P2RY2: variants seen among roughly 807,000 people sequenced by gnomAD.
P2RY2 encodes purinergic receptor P2Y2.
For synonymous variants in P2RY2, 241 were observed against 231.9 expected, an observed-to-expected ratio of 1.04 and a Z score of -0.35; for missense variants, 567 against 515.7, an observed-to-expected ratio of 1.10 and a Z score of -0.96.
Position 73,236,707 on chromosome 11 carries a change from GAA to G in P2RY2, c.*1416_*1417del. ...CTTCCTTTGCACTGGGGGTAAATAT[GAA>G]AGAGATTCACTCCTCCTCCTGTCCA... On this transcript the variant is annotated 3_prime_UTR_variant, in exon 3 of 3. Transcript: ENST00000393597. 3 of 985,390 alleles carry G rather than the reference GAA, an allele frequency of 3.0e-6. No individual in the cohort carries two copies. Among genetic ancestry groups the G allele is most frequent in the South Asian group, 9.4e-5 (2 of 21,286 alleles). 61.0% of individuals were successfully genotyped at this position (985,390 alleles called of 1,614,324 possible).
At chr11:73,234,132 GC>G in intron 2 of P2RY2, 23 bp from the exon 3 acceptor site, 1 of 1,578,304 alleles carries the variant, frequency 6.3e-7, no homozygotes, top group South Asian at 1.2e-5. Context: ...AACCCTGATG[GC>G]CCCACCCCTC....
At chr11:73,220,955 T>C (rs1357442995) in intron 1 of P2RY2, among the ~76,000 whole-genome samples, 2 of 152,178 alleles carry the variant, frequency 1.3e-5, no homozygotes, top group Non-Finnish European at 2.9e-5. Flanking sequence ...AGAGAGGCCA[T>C]TGTCCCTCTC....
chr11:73,229,583 G>A (rs561480675), intron 2 of P2RY2, among the ~76,000 whole-genome samples: 275 of 152,224 alleles, frequency 1.8e-3, no homozygotes, highest in Non-Finnish European at 3.0e-3. Flanking sequence ...ATGAGAGGGC[G>A]GGAGGGGTGA....
intron 1 of P2RY2, among the ~76,000 whole-genome samples, chr11:73,223,805 T>C (rs949099674): frequency 2.1e-4 from 32 of 152,308 alleles, no homozygotes; most frequent in Middle Eastern, 6.8e-3. Context: ...CCAGGTGAGA[T>C]GGGTGGTTTG....
At chr11:73,233,890 G>A in intron 2 of P2RY2, 1 of 515,964 alleles carries the variant, frequency 1.9e-6, no homozygotes, top group South Asian at 2.8e-5. Flanking sequence ...GGGCACCGTT[G>A]TGTTCCAACA....
At position 73,234,153 on chromosome 11, in the gene P2RY2, C is replaced by T; in HGVS notation, c.-4-3C>T. 1 of 1,596,262 alleles carries T rather than the reference C, an allele frequency of 6.3e-7. No individual in the cohort carries two copies. Among genetic ancestry groups the T allele is most frequent in the East Asian group, 2.2e-5 (1 of 44,722 alleles). ...GATGGCCCCACCCCTCCCTTCCCTG[C>T]AGGGCGATGGCAGCAGACCTGGGCC... On this transcript the variant is annotated splice_region_variant and splice_polypyrimidine_tract_variant and intron_variant, in intron 2 of 2. Coordinates refer to ENST00000393597, the MANE Select transcript of P2RY2 (RefSeq NM_002564.4).
At chr11:73,223,997 C>T (rs1428794884) in intron 1 of P2RY2, among the ~76,000 whole-genome samples, 4 of 152,148 alleles carry the variant, frequency 2.6e-5, no homozygotes, top group Non-Finnish European at 5.9e-5. Flanking sequence ...GTGGCCTCCA[C>T]AGCCAGGATC....
intron 1 of P2RY2, among the ~76,000 whole-genome samples, chr11:73,225,584 G>A (rs976215831): frequency 1.4e-5 from 2 of 144,558 alleles, no homozygotes; most frequent in Non-Finnish European, 3.1e-5. Context: ...GGAGAGGGCC[G>A]GGGCCTTGCA....
In P2RY2 at chr11:73,219,598, G is replaced by A. The variant is rs577949853; in HGVS notation, c.-200+1166G>A. ...CTCCCAGAACCAGAATCCCAACTGT[G>A]CCCCTCCCTAGGGCACAAGCCTTCC... is the stretch of plus-strand genomic sequence containing the variant. On this transcript the variant is annotated intron_variant, in intron 1 of 2. Coordinates refer to ENST00000393597, the MANE Select transcript of P2RY2 (RefSeq NM_002564.4). Among the ~76,000 whole-genome samples, 14 of 152,326 alleles carry A rather than the reference G, an allele frequency of 9.2e-5. No individual in the cohort carries two copies. In the South Asian group the frequency reaches 2.7e-3, roughly 29 times the overall value.
intron 1 of P2RY2, among the ~76,000 whole-genome samples, chr11:73,226,808 A>G (rs1862291153): frequency 6.6e-6 from 1 of 152,154 alleles, no homozygotes; most frequent in Non-Finnish European, 1.5e-5. Flanking sequence ...AAGGTGAGAC[A>G]AAAACCACGG....
At chr11:73,221,599 G>T (rs940450522) in intron 1 of P2RY2, among the ~76,000 whole-genome samples, 1 of 152,170 alleles carries the variant, frequency 6.6e-6, no homozygotes, top group Non-Finnish European at 1.5e-5. Context: ...GGGAGTGGGG[G>T]TTGCCCCTCA....
chr11:73,242,171 C>T lies in P2RY2; in HGVS notation c.*6878C>T, dbSNP rs1862788453. Reference sequence around the variant, plus strand: ...TTTCTTTAGAAAGCGGGCTATTTTACCCCATGTGTCCTCAGATTTATGTCC... The same window carrying T: ...TTTCTTTAGAAAGCGGGCTATTTTATCCCATGTGTCCTCAGATTTATGTCC... On this transcript the variant is annotated 3_prime_UTR_variant, in exon 3 of 3. Transcript: ENST00000393597. 6.6e-6 allele frequency: 1 copy of T among 152,128 alleles called. No individual in the cohort carries two copies. The highest frequency in any genetic ancestry group is 2.1e-4 in the South Asian group (1 of 4,830). The allele number at this position is 152,128 out of a possible 1,614,324, so 9.4% of individuals were successfully genotyped here. A position where few individuals can be genotyped will look rare whatever the true frequency, so the allele number is the denominator to read the frequency against.
intron 1 of P2RY2, among the ~76,000 whole-genome samples, chr11:73,223,588 C>A (rs1391925922): frequency 2.0e-5 from 3 of 152,220 alleles, no homozygotes. Flanking sequence ...CACTGAAGAA[C>A]CCGAGGCTCT....
At position 73,237,169 on chromosome 11, in the gene P2RY2, T is replaced by C. The variant is rs1303050286; in HGVS notation, c.*1876T>C. On this transcript the variant is annotated 3_prime_UTR_variant, in exon 3 of 3. Coordinates refer to ENST00000393597, the MANE Select transcript of P2RY2 (RefSeq NM_002564.4). ...TCTGTACTGTGCCAGGTGGGTGACC[T>C]GCCCAGAATAGTGTGAGCTATTCAC... 1.0e-6 allele frequency: 1 copy of C among 954,626 alleles called. No homozygotes were observed. The highest frequency in any genetic ancestry group is 1.2e-4 in the East Asian group (1 of 8,668). The allele number at this position is 954,626 out of a possible 1,614,324, so 59.1% of individuals were successfully genotyped here. A position where few individuals can be genotyped will look rare whatever the true frequency, so the allele number is the denominator to read the frequency against.
intron 1 of P2RY2, among the ~76,000 whole-genome samples, chr11:73,222,985 G>C (rs1862164084): frequency 6.6e-6 from 1 of 152,218 alleles, no homozygotes. Context: ...GCAAGTGTTT[G>C]CTGGGACTTT....
intron 1 of P2RY2, among the ~76,000 whole-genome samples, chr11:73,225,346 G>A (rs536072644): frequency 6.6e-6 from 1 of 152,376 alleles, no homozygotes; most frequent in South Asian, 2.1e-4. Context: ...GGGGGTTACA[G>A]GTCTGCATGC....
At chr11:73,225,737 CTTG>C (rs1490284260) in intron 1 of P2RY2, among the ~76,000 whole-genome samples, 2 of 152,190 alleles carry the variant, frequency 1.3e-5, no homozygotes, top group Non-Finnish European at 2.9e-5. Context: ...GCACTAAACT[CTTG>C]TTGTGATATA....
rs1408013962 is a variant in P2RY2 at position 73,235,167 on chromosome 11, G to A, written c.1008G>A (p.Leu336=). 20 of 1,609,390 alleles carry A rather than the reference G, an allele frequency of 1.2e-5. No individual in the cohort carries two copies. Among genetic ancestry groups the A allele is most frequent in the Non-Finnish European group, 1.6e-5 (19 of 1,179,584 alleles). The change falls in exon 3 of 3, where the codon CTG becomes CTA. Residue 336 remains leucine, a synonymous_variant. Coordinates refer to ENST00000393597, the MANE Select transcript of P2RY2 (RefSeq NM_002564.4). The part of the protein sequence containing the change: ...PSPATPARRR[L]GLRRSDRTDM... Reference sequence around the variant, plus strand: ...CTGCCACCCCGGCTCGCCGCAGGCTGGGCCTGCGCAGATCCGACAGAACTG... The same window carrying A: ...CTGCCACCCCGGCTCGCCGCAGGCTAGGCCTGCGCAGATCCGACAGAACTG...
rs565528684 is a variant in P2RY2 at position 73,234,507 on chromosome 11, C to T, written c.348C>T (p.Asn116=). 3.1e-6 allele frequency: 5 copies of T among 1,613,338 alleles called. No homozygotes were observed. In the South Asian group the frequency reaches 5.5e-5, roughly 18 times the overall value. ...TGGTGCGCTTCCTCTTCTACACCAA[C>T]CTTTACTGCAGCATCCTCTTCCTCA... The part of the protein sequence containing the change: ...CKLVRFLFYT[N]LYCSILFLTC... Residue 116 remains asparagine, a synonymous_variant, in exon 3 of 3, where the codon AAC becomes AAT. Transcript: ENST00000393597.
Sources: allele counts gnomAD v4.1 joint callset (sites outside exome capture counted in the v4.1 genomes callset), GRCh38; gene constraint gnomAD v4.1.1; transcripts MANE v1.5; gene names NCBI Gene and HGNC (gene_info 2026-07-23, HGNC 2026-07-21).